GTPBP1: variants seen among roughly 807,000 people sequenced by gnomAD.
GTPBP1 encodes GTP-binding protein 1.
Under a neutral mutation model 62.0 loss-of-function variants are expected in GTPBP1, and 23 were observed. The ratio of observed to expected loss-of-function variants is 0.37; its 90% CI spans 0.27 to 0.53. The LOEUF (loss-of-function observed/expected upper bound fraction) is 0.53, where lower values mean the gene tolerates loss of function less well. GTPBP1 is among the 20% of genes least tolerant of loss of function. GTPBP1 has a pLI of 0.89. For synonymous variants in GTPBP1, 344 were observed against 364.4 expected (o/e 0.94, Z 0.64); for missense variants, 640 against 917.3 (o/e 0.70, Z 3.90).
At chr22:38,713,530 C>T (rs1040097879) in intron 2 of GTPBP1, among the ~76,000 whole-genome samples, 1 of 152,056 alleles carries the variant, frequency 6.6e-6, no homozygotes, top group Non-Finnish European at 1.5e-5. Flanking sequence ...AGGTAAAATG[C>T]TAGAATCATC....
intron 10 of GTPBP1, chr22:38,729,250 C>T (rs2092742948): frequency 6.0e-6 from 3 of 502,680 alleles, no homozygotes; most frequent in Admixed American, 7.4e-5. Context: ...GAGTCCAGGG[C>T]CATAGCAGTC....
Position 38,708,864 on chromosome 22 carries a change from C to T in GTPBP1, c.212C>T (p.Thr71Ile). The T allele has an allele frequency of 6.2e-7, 1 of 1,607,252 alleles. No homozygotes were observed. The highest frequency in any genetic ancestry group is 8.5e-7 in the Non-Finnish European group (1 of 1,173,664). The change falls in exon 2 of 12, where the codon ACA (threonine) becomes ATA (isoleucine). Residue 71 changes from threonine (T) to isoleucine (I), a missense_variant. By Grantham distance (89) the Thr-to-Ile change is moderately conservative (BLOSUM62 -1). Transcript: ENST00000216044. ...TTCTAGCTGGTTCTAGTGAGCCCTA[C>T]ATCAGAGCAGTATGACAGCCTACTT... ...LTSKLVLVSP[T>I]SEQYDSLLRQ...
chr22:38,740,794 C>G (rs1340974589), downstream of GTPBP1: 1 of 608,528 alleles, frequency 1.6e-6, no homozygotes, highest in African/African-American at 1.8e-5. The surrounding 1 kb of genome is among the most constrained non-coding windows in gnomAD (Gnocchi z 4.8). Context: ...CACAGCCTGC[C>G]CCCCGCCCTC....
At chr22:38,712,185 A>C (rs2145845203) in intron 2 of GTPBP1, among the ~76,000 whole-genome samples, 1 of 152,270 alleles carries the variant, frequency 6.6e-6, no homozygotes, top group South Asian at 2.1e-4. Context: ...AAGGAGTACT[A>C]AGTCTTTGTG....
At chr22:38,711,271 G>T (rs1164641549) in intron 2 of GTPBP1, among the ~76,000 whole-genome samples, 1 of 152,182 alleles carries the variant, frequency 6.6e-6, no homozygotes. Flanking sequence ...GTAGAGGAAT[G>T]TGCTCTTTAA....
downstream of GTPBP1, chr22:38,737,861 C>T (rs552303184): frequency 4.3e-5 from 24 of 563,018 alleles, no homozygotes; most frequent in East Asian, 1.8e-4. This position sits in a 1 kb window ranked among gnomAD's most constrained non-coding sequence, Gnocchi z 4.1. Context: ...CATGTGCTGG[C>T]GGCGGCTCCT....
rs1391080850 is a variant in GTPBP1, at chr22:38,725,982, C to T, written c.1074-24C>T. The T allele has an allele frequency of 6.9e-6, 11 of 1,604,906 alleles. No individual in the cohort carries two copies. The Admixed American group carries it at 1.0e-4, about 15-fold the overall frequency. On this transcript the variant is annotated intron_variant, in intron 6 of 11. Coordinates refer to ENST00000216044, the MANE Select transcript of GTPBP1 (RefSeq NM_004286.5). ...CTCCTGAGTGCCTCTCTCCTTTTTT[C>T]CTTCCTCTTCTCCCTCTGCTTAGGA...
rs961740390 is a variant in GTPBP1 at position 38,726,519 on chromosome 22, C to T, written c.1401+79C>T. ...TGGCCAGATGCCCTGCTCACCCACT[C>T]TAGTCCTCATGGCTGCTCTGCAAGG... On this transcript the variant is annotated intron_variant, in intron 8 of 11. Coordinates refer to ENST00000216044, the MANE Select transcript of GTPBP1 (RefSeq NM_004286.5). The surrounding 1 kb of genome is among the most constrained non-coding windows in gnomAD (Gnocchi z 4.1). 7 of 1,226,462 alleles carry T rather than the reference C, an allele frequency of 5.7e-6. No homozygotes were observed. The highest frequency in any genetic ancestry group is 1.3e-5 in the South Asian group (1 of 76,792). 76.0% of individuals were successfully genotyped at this position (1,226,462 alleles called of 1,614,324 possible).
In GTPBP1 at chr22:38,713,857, G is replaced by C. The variant is rs555974847; in HGVS notation, c.305-2050G>C. Among the ~76,000 whole-genome samples the C allele has an allele frequency of 9.8e-5, 15 of 152,330 alleles. No individual in the cohort carries two copies. The South Asian group carries it at 2.9e-3, about 29-fold the overall frequency. ...ATATCAGACTTCTAGGAGTTATCCA[G>C]GCAATTGGAAATTCAGTCTGGAGTT... On this transcript the variant is annotated intron_variant, in intron 2 of 11. Transcript: ENST00000216044.
rs929547640 is a variant in GTPBP1 at position 38,727,622 on chromosome 22, C to T, written c.1537+274C>T. Among the ~76,000 whole-genome samples the T allele has an allele frequency of 2.6e-5, 4 of 152,286 alleles. No homozygotes were observed. Among genetic ancestry groups the T allele is most frequent in the South Asian group, 4.1e-4 (2 of 4,830 alleles). On this transcript the variant is annotated intron_variant, in intron 9 of 11. Transcript: ENST00000216044. This position sits in a 1 kb window ranked among gnomAD's most constrained non-coding sequence, Gnocchi z 6.5. Reference sequence around the variant, plus strand: ...CTGCTGAACGCTGCTATGTGCCCAGCGGTGTTGCTAAGGTGCTGGGAACAA... The same window carrying T: ...CTGCTGAACGCTGCTATGTGCCCAGTGGTGTTGCTAAGGTGCTGGGAACAA...
rs779442461 is a variant in GTPBP1, at chr22:38,730,666, T to A, written c.1972T>A (p.Ser658Thr). The part of the protein sequence containing the change: ...RRGGQRHKVK[S>T]QGACVTPASG... ...AGGGGGCCAGCGCCACAAGGTGAAGTCCCAGGGGGCCTGTGTGACTCCTGC... is the reference window on the plus strand; with the variant it reads ...AGGGGGCCAGCGCCACAAGGTGAAGACCCAGGGGGCCTGTGTGACTCCTGC... Residue 658 changes from serine to threonine, a missense_variant, in exon 12 of 12, where the codon TCC becomes ACC. This residue lies in a region of GTPBP1 where 117 missense variants were observed against 107.1 expected (regional missense o/e 1.09). Transcript: ENST00000216044. This position sits in a 1 kb window ranked among gnomAD's most constrained non-coding sequence, Gnocchi z 5.6. The A allele has an allele frequency of 6.2e-7, 1 of 1,604,726 alleles. No individual in the cohort carries two copies. Among genetic ancestry groups the A allele is most frequent in the African/African-American group, 1.3e-5 (1 of 74,836 alleles).
At chr22:38,740,548 CT>C, downstream of GTPBP1, 1 of 1,196,672 alleles carries the variant, frequency 8.4e-7, no homozygotes, top group Non-Finnish European at 1.1e-6. The surrounding 1 kb of genome is among the most constrained non-coding windows in gnomAD (Gnocchi z 4.8). Flanking sequence ...GTGCCCAGCA[CT>C]CATTGTGAAC....
At chr22:38,717,262 T>A (rs935386910) in intron 4 of GTPBP1, among the ~76,000 whole-genome samples, 3 of 152,208 alleles carry the variant, frequency 2.0e-5, no homozygotes, top group Admixed American at 6.5e-5. Context: ...TGTCTTATTT[T>A]TTGCAGAGGC....
chr22:38,717,000 G>A lies in GTPBP1; in HGVS notation c.834G>A (p.Met278Ile). The change falls in exon 4 of 12, where the codon ATG becomes ATA. Residue 278 changes from methionine (M) to isoleucine (I), a missense_variant and splice_region_variant. Met to Ile is a conservative substitution (Grantham distance 10). This residue lies in a region of GTPBP1 where 88 missense variants were observed against 217.0 expected (regional missense o/e 0.41). Coordinates refer to ENST00000216044, the MANE Select transcript of GTPBP1 (RefSeq NM_004286.5). The surrounding 1 kb of genome is among the most constrained non-coding windows in gnomAD (Gnocchi z 5.2). ...ATCTGCCTGACTTCTGCATGCTCAT[G>A]GTGAGTGGGAGGCGCCCCAAGGAGG... ...TGHLPDFCMLMVGSNAGIVGM... is the reference protein window; with the variant it reads ...TGHLPDFCMLIVGSNAGIVGM... The A allele has an allele frequency of 4.4e-6, 7 of 1,597,026 alleles. No homozygotes were observed. The highest frequency in any genetic ancestry group is 6.0e-6 in the Non-Finnish European group (7 of 1,165,730).
downstream of GTPBP1, chr22:38,739,977 G>T: frequency 6.3e-7 from 1 of 1,595,774 alleles, no homozygotes; most frequent in Non-Finnish European, 8.5e-7. The surrounding 1 kb of genome is among the most constrained non-coding windows in gnomAD (Gnocchi z 6.7). Context: ...ACCCTGGGGG[G>T]CTTGCAGGGA....
intron 1 of GTPBP1, among the ~76,000 whole-genome samples, chr22:38,708,181 C>T (rs544840949): frequency 7.9e-5 from 12 of 152,316 alleles, no homozygotes; most frequent in African/African-American, 2.4e-4. Context: ...TCCAAGGTCA[C>T]ACAGGAGTGG....
At chr22:38,737,974 C>T (rs1024542380), downstream of GTPBP1, 1 of 708,438 alleles carries the variant, frequency 1.4e-6, no homozygotes, top group Non-Finnish European at 2.6e-6. This position sits in a 1 kb window ranked among gnomAD's most constrained non-coding sequence, Gnocchi z 4.1. Context: ...TGCTGCCCTT[C>T]TGGAAGGTGC....
downstream of GTPBP1, among the ~76,000 whole-genome samples, chr22:38,742,141 T>C (rs1469909370): frequency 6.8e-6 from 1 of 147,308 alleles, no homozygotes; most frequent in Non-Finnish European, 1.5e-5. Flanking sequence ...AGATATTGTC[T>C]CAAAAAGAAA....
At chr22:38,723,331 G>A in intron 5 of GTPBP1, 1 of 827,992 alleles carries the variant, frequency 1.2e-6, no homozygotes, top group South Asian at 1.3e-5. Flanking sequence ...CATGGTATGA[G>A]GAGCTGGTGC....
Sources: gnomAD v4.1 joint callset for allele counts (sites outside exome capture counted in the v4.1 genomes callset) on GRCh38, gnomAD v4.1.1 for gene constraint, gnomAD v4.1.1 regional missense constraint, Gnocchi (gnomAD v3.1) non-coding constraint, MANE v1.5 for transcripts, NCBI Gene and HGNC (gene_info 2026-07-23, HGNC 2026-07-21) for gene names.